EPB41L4B: variants seen among roughly 807,000 people sequenced by gnomAD.
The protein encoded by EPB41L4B is erythrocyte membrane protein band 4.1 like 4B, also known as band 4.1-like protein 4B.
In EPB41L4B, 30 loss-of-function variants were observed where a neutral mutation model predicts 112.5. That is an observed-to-expected ratio of 0.27 (90% CI 0.20 to 0.36). EPB41L4B has a LOEUF of 0.36. EPB41L4B is among the 10% of genes least tolerant of loss of function. EPB41L4B has a pLI of 1.00. For synonymous variants in EPB41L4B, 408 were observed against 439.7 expected (o/e 0.93, Z 0.90); for missense variants, 1,024 against 1,133.3 (o/e 0.90, Z 1.38).
intron 5 of EPB41L4B, among the ~76,000 whole-genome samples, chr9:109,264,061 G>A (rs1835313309): frequency 6.6e-6 from 1 of 151,986 alleles, no homozygotes; most frequent in Non-Finnish European, 1.5e-5. Context: ...GAGAGAGGGA[G>A]AGAGGATTAA....
chr9:109,273,158 T>C (rs536694081), intron 2 of EPB41L4B, among the ~76,000 whole-genome samples: 1 of 152,236 alleles, frequency 6.6e-6, no homozygotes, highest in African/African-American at 2.4e-5. Flanking sequence ...AGCTTCCGAT[T>C]CAGCACCAGT....
At chr9:109,233,483 G>C (rs561719649) in intron 15 of EPB41L4B, among the ~76,000 whole-genome samples, 1 of 150,668 alleles carries the variant, frequency 6.6e-6, no homozygotes, top group South Asian at 2.1e-4. Flanking sequence ...TTTCAGTTCT[G>C]CAGGGCAGTA....
At chr9:109,319,681 G>A (rs1481397972) in intron 1 of EPB41L4B, among the ~76,000 whole-genome samples, 1 of 152,212 alleles carries the variant, frequency 6.6e-6, no homozygotes, top group African/African-American at 2.4e-5. Flanking sequence ...AAGGCCTGAT[G>A]GCGAGTTTGA....
chr9:109,209,567 G>A (rs1833090295), intron 17 of EPB41L4B, among the ~76,000 whole-genome samples: 1 of 151,106 alleles, frequency 6.6e-6, no homozygotes, highest in Admixed American at 6.6e-5. Flanking sequence ...AGAATCACCT[G>A]AGCTCAGGGG....
intron 2 of EPB41L4B, among the ~76,000 whole-genome samples, chr9:109,275,679 C>T (rs1835787011): frequency 6.6e-6 from 1 of 152,212 alleles, no homozygotes; most frequent in African/African-American, 2.4e-5. Flanking sequence ...CATTAATTCT[C>T]TGAGCTCCTC....
chr9:109,238,816 C>G (rs745459609), intron 15 of EPB41L4B, among the ~76,000 whole-genome samples: 2 of 152,088 alleles, frequency 1.3e-5, no homozygotes, highest in Non-Finnish European at 2.9e-5. Context: ...GAATTCTAGG[C>G]AGAAAGAACA....
At chr9:109,200,178 T>A in intron 20 of EPB41L4B, 58 bp downstream of exon 20, 2 of 1,428,280 alleles carry the variant, frequency 1.4e-6, no homozygotes, top group Admixed American at 3.4e-5. Flanking sequence ...AGCATTTGTA[T>A]CTAAACAATT....
chr9:109,318,269 G>C (rs568551155), intron 1 of EPB41L4B, among the ~76,000 whole-genome samples: 1 of 152,116 alleles, frequency 6.6e-6, no homozygotes, highest in African/African-American at 2.4e-5. Context: ...TGGGACAGGG[G>C]AATTCTTTTG....
intron 24 of EPB41L4B, among the ~76,000 whole-genome samples, chr9:109,179,292 T>C (rs1034691783): frequency 2.6e-5 from 4 of 152,238 alleles, no homozygotes; most frequent in African/African-American, 9.6e-5. Context: ...ACCAACTTTG[T>C]GCAGAGCTTC....
chr9:109,177,916 T>TTC (rs1021567602), intron 24 of EPB41L4B, among the ~76,000 whole-genome samples: 1 of 151,804 alleles, frequency 6.6e-6, no homozygotes, highest in Non-Finnish European at 1.5e-5. Context: ...CTTCCTCTCT[T>TTC]TCTCTCTCTC....
intron 1 of EPB41L4B, among the ~76,000 whole-genome samples, chr9:109,291,258 G>C (rs533901219): frequency 8.7e-4 from 133 of 152,200 alleles, no homozygotes; most frequent in Non-Finnish European, 1.7e-3. Context: ...CACCTTTTTA[G>C]CTCCAAGCAC....
chr9:109,283,685 T>C (rs1404507825), intron 1 of EPB41L4B, among the ~76,000 whole-genome samples: 4 of 152,226 alleles, frequency 2.6e-5, no homozygotes, highest in Non-Finnish European at 4.4e-5. Flanking sequence ...ACATATGTGT[T>C]ATGTACATAG....
intron 1 of EPB41L4B, among the ~76,000 whole-genome samples, chr9:109,288,033 C>G (rs1480158512): frequency 6.6e-6 from 1 of 152,248 alleles, no homozygotes. Flanking sequence ...GTTTGAATAA[C>G]GGCGTCCCTC....
At chr9:109,294,672 C>CTG (rs56261244) in intron 1 of EPB41L4B, among the ~76,000 whole-genome samples, 6,222 of 147,884 alleles carry the variant, frequency 0.042, 143 homozygotes, top group African/African-American at 0.062. Flanking sequence ...GATATTGTGG[C>CTG]TGTGTGTGTG....
intron 1 of EPB41L4B, among the ~76,000 whole-genome samples, chr9:109,304,592 T>C (rs189281131): frequency 2.0e-3 from 297 of 152,298 alleles, no homozygotes; most frequent in African/African-American, 6.5e-3. Flanking sequence ...CCAAGAGTAC[T>C]TAGGCACTGT....
At chr9:109,236,531 G>C (rs1564285094) in intron 15 of EPB41L4B, among the ~76,000 whole-genome samples, 11 of 152,108 alleles carry the variant, frequency 7.2e-5, no homozygotes. Context: ...AGCAAACCTG[G>C]ACTGCCCACC....
At chr9:109,275,009 A>T (rs948394575) in intron 2 of EPB41L4B, among the ~76,000 whole-genome samples, 2 of 152,110 alleles carry the variant, frequency 1.3e-5, no homozygotes. Flanking sequence ...GTAGACACAG[A>T]CTCCCAGCCC....
intron 15 of EPB41L4B, among the ~76,000 whole-genome samples, chr9:109,226,984 G>A (rs1415605404): frequency 6.6e-6 from 1 of 151,502 alleles, no homozygotes; most frequent in Non-Finnish European, 1.5e-5. Context: ...AACTACAGGT[G>A]TGCACTACCA....
At chr9:109,267,303 A>T (rs1169570998) in intron 4 of EPB41L4B, among the ~76,000 whole-genome samples, 170 bp downstream of exon 4, 1 of 152,242 alleles carries the variant, frequency 6.6e-6, no homozygotes, top group Non-Finnish European at 1.5e-5. Flanking sequence ...CAAATTAAGC[A>T]AAGTTGTGGA....
Sources: gnomAD v4.1 joint callset for allele counts (sites outside exome capture counted in the v4.1 genomes callset) on GRCh38, gnomAD v4.1.1 for gene constraint, MANE v1.5 for transcripts, NCBI Gene and HGNC (gene_info 2026-07-23, HGNC 2026-07-21) for gene names.